MED14: variants seen among roughly 807,000 people sequenced by gnomAD.
The protein encoded by MED14 is mediator of RNA polymerase II transcription subunit 14.
Under a neutral mutation model 109.0 loss-of-function variants are expected in MED14, and 8 were observed. That is an observed-to-expected ratio of 0.07 (90% confidence interval 0.04 to 0.13). The LOEUF is 0.13. MED14 is among the 10% of genes least tolerant of loss of function. The pLI, the probability that MED14 is intolerant of heterozygous loss-of-function variation, is 1.00. For synonymous variants in MED14, 399 were observed against 408.7 expected, an observed-to-expected ratio of 0.98 and a Z score of 0.29; for missense variants, 711 against 1,142.4, an observed-to-expected ratio of 0.62 and a Z score of 5.44.
chrX:40,650,331 A>G lies in MED14; in HGVS notation c.*1475T>C. Reference sequence around the variant, plus strand: ...ATTGAAAATGAGTGGAGAATCAAACAAAGTTGAGAACAGATATGATATAGG... The same window carrying G: ...ATTGAAAATGAGTGGAGAATCAAACGAAGTTGAGAACAGATATGATATAGG... On this transcript the variant is annotated 3_prime_UTR_variant, in exon 31 of 31. Transcript: ENST00000324817. 1 of 753,808 alleles carries G rather than the reference A, an allele frequency of 1.3e-6. No homozygotes were observed. The highest frequency in any genetic ancestry group is 1.6e-6 in the Non-Finnish European group (1 of 638,753). The allele number at this position is 753,808 out of a possible 1,213,427, so 62.1% of individuals were successfully genotyped here.
In MED14 at chrX:40,679,959, G is replaced by A. The variant is rs1032464782; in HGVS notation, c.2785C>T (p.Arg929Trp). ...RNMYCIDIYCRSRGVVAIRDG... is the reference protein window; with the variant it reads ...RNMYCIDIYCWSRGVVAIRDG... Reference sequence around the variant, plus strand: ...CGTATTGCCACAACACCTCGACTCCGGCAGTATATATCAATGCAATACATG... The same window carrying A: ...CGTATTGCCACAACACCTCGACTCCAGCAGTATATATCAATGCAATACATG... Residue 929 changes from arginine to tryptophan, a missense_variant, in exon 21 of 31, where the codon CGG becomes TGG. Transcript: ENST00000324817. The A allele has an allele frequency of 3.3e-6, 4 of 1,208,094 alleles. No individual in the cohort carries two copies. Among genetic ancestry groups the A allele is most frequent in the East Asian group, 3.0e-5 (1 of 33,779 alleles).
chrX:40,732,518 CAA>C (rs367874034), intron 1 of MED14, among the ~76,000 whole-genome samples: 4 of 91,843 alleles, frequency 4.4e-5, no homozygotes, highest in Non-Finnish European at 2.2e-5. Flanking sequence ...GACTCTGTCT[CAA>C]AAAAAAAAAA....
intron 12 of MED14, among the ~76,000 whole-genome samples, chrX:40,697,846 G>A (rs1292555350): frequency 2.7e-5 from 3 of 112,092 alleles, no homozygotes; most frequent in African/African-American, 9.7e-5. Flanking sequence ...TTGCCTTGAT[G>A]AATAGGGCAA....
intron 3 of MED14, among the ~76,000 whole-genome samples, chrX:40,724,008 GAT>G (rs1183105952): frequency 9.8e-5 from 11 of 111,778 alleles, no homozygotes; most frequent in Non-Finnish European, 1.3e-4. Context: ...GATGGGAAAA[GAT>G]TTATATGTCA....
intron 15 of MED14, among the ~76,000 whole-genome samples, chrX:40,688,938 T>G (rs2146668299): frequency 8.9e-6 from 1 of 112,514 alleles, no homozygotes; most frequent in East Asian, 2.8e-4. Flanking sequence ...AAATGATATT[T>G]TTTAGTTTAC....
At chrX:40,671,413 C>A (rs758784483) in intron 23 of MED14, among the ~76,000 whole-genome samples, 2 of 112,510 alleles carry the variant, frequency 1.8e-5, no homozygotes, top group East Asian at 5.5e-4. Flanking sequence ...GGGGGCAGGC[C>A]ACCCTTCACC....
At chrX:40,653,181 G>A (rs1235033490) in intron 30 of MED14, among the ~76,000 whole-genome samples, 4 of 111,789 alleles carry the variant, frequency 3.6e-5, no homozygotes, top group Non-Finnish European at 5.6e-5. Context: ...CCATCTGCTT[G>A]TGAAGGAATG....
At chrX:40,729,554 T>C in intron 1 of MED14, 1 of 409,172 alleles carries the variant, frequency 2.4e-6, no homozygotes, top group Non-Finnish European at 4.2e-6. Context: ...AAAGAACATT[T>C]TTCTCCATTC....
intron 2 of MED14, among the ~76,000 whole-genome samples, chrX:40,728,648 T>C (rs940529191): frequency 8.9e-6 from 1 of 111,812 alleles, no homozygotes; most frequent in Non-Finnish European, 1.9e-5. Context: ...AACTTTAATT[T>C]CGCTTGTTCC....
At chrX:40,735,140 T>C in intron 1 of MED14, 58 bp downstream of exon 1, 5 of 890,553 alleles carry the variant, frequency 5.6e-6, no homozygotes, top group Non-Finnish European at 4.5e-6. Flanking sequence ...TGCAAACGTC[T>C]CAGCCGGTTG....
intron 21 of MED14, among the ~76,000 whole-genome samples, chrX:40,676,663 GGACC>G (rs1237659540): frequency 1.8e-5 from 2 of 111,724 alleles, no homozygotes; most frequent in African/African-American, 6.5e-5. Context: ...GTTGAGAGAG[GGACC>G]GATTGATTGG....
intron 10 of MED14, among the ~76,000 whole-genome samples, chrX:40,704,478 C>T (rs1404694422): frequency 1.4e-4 from 16 of 112,006 alleles, no homozygotes; most frequent in Admixed American, 1.3e-3. Flanking sequence ...TTTCACCAGG[C>T]GTGGCTTCTG....
intron 3 of MED14, among the ~76,000 whole-genome samples, chrX:40,721,515 T>C: frequency 8.9e-6 from 1 of 112,919 alleles, no homozygotes; most frequent in Non-Finnish European, 1.9e-5. Context: ...TTTTTGACTC[T>C]AATCCCTGGC....
At chrX:40,729,599 C>G in intron 1 of MED14, 1 of 342,989 alleles carries the variant, frequency 2.9e-6, no homozygotes, top group Non-Finnish European at 5.1e-6. Flanking sequence ...GAACCTTAAA[C>G]ATTTAAAAAG....
At chrX:40,699,065 G>A (rs146975850) in intron 12 of MED14, among the ~76,000 whole-genome samples, 1,495 of 112,184 alleles carry the variant, frequency 0.013, 25 homozygotes, top group African/African-American at 0.046. Flanking sequence ...TCCATACAGT[G>A]AAATATTATT....
At chrX:40,735,827 C>G (rs1335680380), upstream of MED14, 3 of 321,504 alleles carry the variant, frequency 9.3e-6, no homozygotes, top group Non-Finnish European at 1.8e-5. Context: ...AGCACCGCAG[C>G]GCTGGGGGGC....
At chrX:40,728,659 T>C (rs2146744948) in intron 2 of MED14, among the ~76,000 whole-genome samples, 1 of 111,926 alleles carries the variant, frequency 8.9e-6, no homozygotes, top group East Asian at 2.8e-4. Flanking sequence ...CGCTTGTTCC[T>C]TTGGCCTCTG....
intron 16 of MED14, among the ~76,000 whole-genome samples, chrX:40,687,338 C>A (rs1309957526): frequency 1.8e-5 from 2 of 111,744 alleles, no homozygotes; most frequent in Non-Finnish European, 3.8e-5. Flanking sequence ...CTACTCTGAG[C>A]TACCAACAAC....
In MED14 at chrX:40,732,674, G is replaced by A. The variant is rs1232392738; in HGVS notation, c.215+2524C>T. On this transcript the variant is annotated intron_variant, in intron 1 of 30. Coordinates refer to ENST00000324817, the MANE Select transcript of MED14 (RefSeq NM_004229.4). ...GCATGCCTGTAGTTCCAGCTATTTGGGAGGCTGAGGCAGGAGGAGCAGTTG... is the reference window on the plus strand; with the variant it reads ...GCATGCCTGTAGTTCCAGCTATTTGAGAGGCTGAGGCAGGAGGAGCAGTTG... Among the ~76,000 whole-genome samples, 3 of 110,854 alleles carry A rather than the reference G, an allele frequency of 2.7e-5. No individual in the cohort carries two copies. The East Asian group carries it at 8.4e-4, about 31-fold the overall frequency.
Sources: allele counts gnomAD v4.1 joint callset (sites outside exome capture counted in the v4.1 genomes callset), GRCh38; gene constraint gnomAD v4.1.1; transcripts MANE v1.5; gene names NCBI Gene and HGNC (gene_info 2026-07-23, HGNC 2026-07-21).